RHBDD1: variants seen among roughly 807,000 people sequenced by gnomAD.
The protein encoded by RHBDD1 is rhomboid domain containing 1.
A neutral mutation model predicts 36.3 loss-of-function variants in RHBDD1; 38 were observed. The observed-to-expected ratio is 1.05, with a 90% CI of 0.81 to 1.37. RHBDD1 has a LOEUF of 1.37. RHBDD1 is among the 40% of genes most tolerant of loss of function. The pLI, the probability that RHBDD1 is intolerant of heterozygous loss-of-function variation, is 0.00. For missense variants in RHBDD1, 393 were observed against 377.6 expected, an observed-to-expected ratio of 1.04 and a Z score of -0.34; for synonymous variants, 151 against 136.5, an observed-to-expected ratio of 1.11 and a Z score of -0.74.
chr2:226,979,705 G>A (rs532501794), intron 8 of RHBDD1, among the ~76,000 whole-genome samples: 12 of 152,312 alleles, frequency 7.9e-5, no homozygotes, highest in African/African-American at 2.4e-4. Flanking sequence ...ACATTGGGGC[G>A]CATCTTCCTC....
chr2:226,947,338 A>G (rs1490651403), intron 8 of RHBDD1, among the ~76,000 whole-genome samples: 2 of 151,912 alleles, frequency 1.3e-5, no homozygotes, highest in Non-Finnish European at 2.9e-5. Context: ...CAGTTTTCCC[A>G]GCACCATTTA....
At position 226,959,242 on chromosome 2, in the gene RHBDD1, C is replaced by T. The variant is rs114039842; in HGVS notation, c.857-36189C>T. The stretch of plus-strand genomic sequence containing the variant: ...GTGTTTAAGAAGGCACCGTATAACA[C>T]GTAGCAAGCTATACAGTTATTAATT... On this transcript the variant is annotated intron_variant, in intron 8 of 8. Coordinates refer to ENST00000392062, the MANE Select transcript of RHBDD1 (RefSeq NM_001167608.3). 5.4e-3 allele frequency among the ~76,000 whole-genome samples: 828 copies of T among 152,182 alleles called. 7 individuals are homozygous for T. The highest frequency in any genetic ancestry group is 0.019 in the African/African-American group (783 of 41,542).
intron 5 of RHBDD1, among the ~76,000 whole-genome samples, chr2:226,891,918 CTGAT>C (rs373202728): frequency 2.6e-5 from 4 of 152,162 alleles, no homozygotes; most frequent in African/African-American, 9.7e-5. Context: ...CAAAGGGTAT[CTGAT>C]TGGCCAGTGC....
At chr2:226,967,366 T>G (rs1229855075) in intron 8 of RHBDD1, among the ~76,000 whole-genome samples, 1 of 152,168 alleles carries the variant, frequency 6.6e-6, no homozygotes, top group East Asian at 1.9e-4. Flanking sequence ...TATCTGAAGT[T>G]GAGAATTCTT....
chr2:226,972,231 A>T (rs563171799), intron 8 of RHBDD1, among the ~76,000 whole-genome samples: 28 of 152,276 alleles, frequency 1.8e-4, no homozygotes, highest in African/African-American at 6.5e-4. Context: ...TTCCAGCTTC[A>T]TCCATGTCCC....
At position 226,914,360 on chromosome 2, in the gene RHBDD1, C is replaced by A; in HGVS notation, c.856+9C>A. ...CAGCCTCTGGGACCGAGGTAGGAGT[C>A]TTGCGCCCTTCAGTTATTTTAAAGC... On this transcript the variant is annotated intron_variant, in intron 8 of 8. Coordinates refer to ENST00000392062, the MANE Select transcript of RHBDD1 (RefSeq NM_001167608.3). 6.2e-7 allele frequency: 1 copy of A among 1,608,912 alleles called. No individual in the cohort carries two copies. Among genetic ancestry groups the A allele is most frequent in the South Asian group, 1.1e-5 (1 of 89,888 alleles).
chr2:226,954,899 T>C (rs1559309354), intron 8 of RHBDD1, among the ~76,000 whole-genome samples: 1 of 151,692 alleles, frequency 6.6e-6, no homozygotes, highest in Non-Finnish European at 1.5e-5. Context: ...ATATAATACA[T>C]GTTCATACAC....
chr2:226,934,769 A>T (rs1190466791), intron 8 of RHBDD1, among the ~76,000 whole-genome samples: 1 of 152,110 alleles, frequency 6.6e-6, no homozygotes, highest in Non-Finnish European at 1.5e-5. Flanking sequence ...CTTTGAGTCA[A>T]AAGGCAGATG....
At chr2:226,877,272 CATTG>C in intron 5 of RHBDD1, among the ~76,000 whole-genome samples, 1 of 152,232 alleles carries the variant, frequency 6.6e-6, no homozygotes, top group South Asian at 2.1e-4. Context: ...TAATATTATG[CATTG>C]ATTATTTGGA....
chr2:226,919,643 A>G (rs1949168169), intron 8 of RHBDD1, among the ~76,000 whole-genome samples: 1 of 151,840 alleles, frequency 6.6e-6, no homozygotes, highest in Non-Finnish European at 1.5e-5. Flanking sequence ...AAATGTATGG[A>G]TTTGTTTCTG....
the RHBDD1 span, among the ~76,000 whole-genome samples, chr2:226,806,199 A>C: frequency 6.6e-6 from 1 of 152,090 alleles, no homozygotes; most frequent in Non-Finnish European, 1.5e-5. Context: ...GATTGGGAAG[A>C]TACAAGTTAA....
chr2:226,960,438 C>T (rs1187904862), intron 8 of RHBDD1, among the ~76,000 whole-genome samples: 1 of 152,200 alleles, frequency 6.6e-6, no homozygotes, highest in African/African-American at 2.4e-5. Flanking sequence ...CATTGGAATG[C>T]TGACCAACAT....
At chr2:226,906,609 CT>C (rs1008008139) in intron 5 of RHBDD1, 183 bp from the exon 6 acceptor site, 76 of 1,333,392 alleles carry the variant, frequency 5.7e-5, no homozygotes, top group Non-Finnish European at 6.5e-5. Flanking sequence ...ATTCATTGTA[CT>C]TTTTTTTAAG....
At chr2:226,846,884 G>A (rs1390095006) in intron 3 of RHBDD1, among the ~76,000 whole-genome samples, 1 of 152,086 alleles carries the variant, frequency 6.6e-6, no homozygotes, top group Admixed American at 6.6e-5. Flanking sequence ...AGTAAATGTG[G>A]CATTTTACCT....
chr2:226,833,327 T>C (rs183291016), upstream of RHBDD1, among the ~76,000 whole-genome samples: 8 of 152,350 alleles, frequency 5.3e-5, no homozygotes, highest in Non-Finnish European at 7.3e-5. Flanking sequence ...GATAATCCAG[T>C]TGTGTATTTG....
intron 8 of RHBDD1, among the ~76,000 whole-genome samples, chr2:226,991,765 A>G (rs530792617): frequency 4.6e-5 from 7 of 152,294 alleles, no homozygotes; most frequent in African/African-American, 1.7e-4. Flanking sequence ...TAAAAAGTGG[A>G]GGAGTTGGGA....
intron 8 of RHBDD1, among the ~76,000 whole-genome samples, chr2:226,939,445 A>G (rs905830099): frequency 6.6e-6 from 1 of 152,200 alleles, no homozygotes; most frequent in African/African-American, 2.4e-5. Flanking sequence ...TACAAAATCA[A>G]TGTGCACAAA....
intron 5 of RHBDD1, among the ~76,000 whole-genome samples, chr2:226,873,976 G>A (rs1945007966): frequency 1.3e-5 from 2 of 152,272 alleles, no homozygotes; most frequent in South Asian, 2.1e-4. Flanking sequence ...TTACAGTCAT[G>A]GCAGAAGGTG....
chr2:226,878,644 G>A (rs1945441307), intron 5 of RHBDD1, among the ~76,000 whole-genome samples: 1 of 152,162 alleles, frequency 6.6e-6, no homozygotes, highest in African/African-American at 2.4e-5. Context: ...CTTTGATAGA[G>A]CCACAAAGTT....
Sources: gnomAD v4.1 joint callset for allele counts (sites outside exome capture counted in the v4.1 genomes callset) on GRCh38, gnomAD v4.1.1 for gene constraint, MANE v1.5 for transcripts, NCBI Gene and HGNC (gene_info 2026-07-23, HGNC 2026-07-21) for gene names.